GABRA5: variants seen among roughly 807,000 people sequenced by gnomAD.
GABRA5 encodes gamma-aminobutyric acid type A receptor subunit alpha5, also known as gamma-aminobutyric acid receptor subunit alpha-5.
A neutral mutation model predicts 47.3 loss-of-function variants in GABRA5; 18 were observed. The ratio of observed to expected loss-of-function variants is 0.38; its 90% confidence interval spans 0.26 to 0.56. GABRA5 has a LOEUF of 0.56. Ranked by LOEUF, GABRA5 falls within the 20% of genes least tolerant of loss-of-function variation. GABRA5 has a pLI of 0.71. For missense variants in GABRA5, 365 were observed against 599.3 expected (o/e 0.61, Z 4.08); for synonymous variants, 237 against 229.3 (o/e 1.03, Z -0.30).
At chr15:26,907,675 G>A (rs916479602) in intron 6 of GABRA5, among the ~76,000 whole-genome samples, 2 of 152,196 alleles carry the variant, frequency 1.3e-5, no homozygotes, top group Admixed American at 1.3e-4. Context: ...AGAAAAAAAG[G>A]CGAGGGAATT....
chr15:26,928,236 A>T (rs1236767920), intron 7 of GABRA5, among the ~76,000 whole-genome samples: 1 of 152,170 alleles, frequency 6.6e-6, no homozygotes, highest in Non-Finnish European at 1.5e-5. Flanking sequence ...CTACTATTCC[A>T]TTCAGACACA....
chr15:26,878,353 G>A (rs1013089805), intron 3 of GABRA5, among the ~76,000 whole-genome samples: 7 of 152,220 alleles, frequency 4.6e-5, no homozygotes, highest in African/African-American at 1.7e-4. Context: ...ACCAGGGGCT[G>A]AGAAAACACA....
chr15:26,879,184 A>T (rs149515550), intron 3 of GABRA5, among the ~76,000 whole-genome samples: 1 of 152,362 alleles, frequency 6.6e-6, no homozygotes, highest in African/African-American at 2.4e-5. Flanking sequence ...GACCTTCCAA[A>T]AACTGAGCAC....
At chr15:26,900,528 T>C (rs1368138170) in intron 6 of GABRA5, among the ~76,000 whole-genome samples, 3 of 152,178 alleles carry the variant, frequency 2.0e-5, no homozygotes, top group Admixed American at 6.5e-5. Flanking sequence ...TTTTAAAGAA[T>C]GTATTTTTTA....
Position 26,883,518 on chromosome 15 carries a change from T to G in GABRA5, c.458T>G (p.Leu153Arg). 6.4e-7 allele frequency: 1 copy of G among 1,565,346 alleles called. No individual in the cohort carries two copies. The highest frequency in any genetic ancestry group is 8.7e-7 in the Non-Finnish European group (1 of 1,151,264). Residue 153 changes from leucine (L) to arginine (R), a missense_variant, in exon 6 of 11, where the codon CTG (leucine) becomes CGG (arginine). Leu to Arg is a moderately radical substitution (Grantham distance 102). This residue lies in a region of GABRA5 where 216 missense variants were observed against 335.3 expected (regional missense o/e 0.64). Coordinates refer to ENST00000335625, the MANE Select transcript of GABRA5 (RefSeq NM_000810.4). This position sits in a 1 kb window ranked among gnomAD's most constrained non-coding sequence, Gnocchi z 4.8. Reference sequence around the variant, plus strand: ...AACATGACCACGCCCAACAAGCTGCTGCGGCTGGAGGACGACGGCACCCTG... The same window carrying G: ...AACATGACCACGCCCAACAAGCTGCGGCGGCTGGAGGACGACGGCACCCTG... ...AHNMTTPNKL[L>R]RLEDDGTLLY...
At position 26,867,169 on chromosome 15, in the gene GABRA5, C is replaced by G. The variant is rs1161674090; in HGVS notation, c.-140+58C>G. 2 of 148,814 alleles carry G rather than the reference C, an allele frequency of 1.3e-5. No homozygotes were observed. The highest frequency in any genetic ancestry group is 6.7e-5 in the Admixed American group (1 of 14,884). 9.2% of individuals were successfully genotyped at this position (148,814 alleles called of 1,614,324 possible). A position where few individuals can be genotyped will look rare whatever the true frequency, so the allele number is the denominator to read the frequency against. ...GGGGGGCTCTGCGGCGGGCGGCGCG[C>G]GGCCCGGGGCGCGGCGCGGAGCGGA... On this transcript the variant is annotated intron_variant, in intron 1 of 10. Coordinates refer to ENST00000335625, the MANE Select transcript of GABRA5 (RefSeq NM_000810.4). This position sits in a 1 kb window ranked among gnomAD's most constrained non-coding sequence, Gnocchi z 5.9.
intron 3 of GABRA5, among the ~76,000 whole-genome samples, chr15:26,869,729 C>T (rs1174189084): frequency 2.0e-5 from 3 of 152,344 alleles, no homozygotes; most frequent in African/African-American, 7.2e-5. Context: ...TTCCATTATG[C>T]AATCAAAGTT....
intron 3 of GABRA5, 139 bp from the exon 4 acceptor site, chr15:26,880,707 T>C: frequency 1.3e-6 from 1 of 789,562 alleles, no homozygotes. Context: ...AACAATCCCC[T>C]AGGCACTATG....
chr15:26,907,388 A>G (rs916510239), intron 6 of GABRA5, among the ~76,000 whole-genome samples: 1 of 152,162 alleles, frequency 6.6e-6, no homozygotes, highest in Non-Finnish European at 1.5e-5. Flanking sequence ...GTCAATGTAC[A>G]CTTTATTCTT....
chr15:26,877,167 C>T (rs1784464984), intron 3 of GABRA5, among the ~76,000 whole-genome samples: 1 of 152,172 alleles, frequency 6.6e-6, no homozygotes, highest in Non-Finnish European at 1.5e-5. Context: ...GACTCAGAGC[C>T]TCATAAAACA....
chr15:26,919,735 T>C (rs1893799265), intron 7 of GABRA5, among the ~76,000 whole-genome samples: 1 of 152,196 alleles, frequency 6.6e-6, no homozygotes, highest in African/African-American at 2.4e-5. Context: ...TATACTTTCT[T>C]ATGCTATTGT....
intron 10 of GABRA5, among the ~76,000 whole-genome samples, chr15:26,945,903 T>G (rs1894499269): frequency 6.8e-6 from 1 of 147,110 alleles, no homozygotes; most frequent in South Asian, 2.2e-4. Context: ...TGCCCTTCAC[T>G]TGGTTCTACC....
chr15:26,937,453 A>C (rs2140581757), intron 8 of GABRA5, 125 bp downstream of exon 8: 3 of 1,006,722 alleles, frequency 3.0e-6, no homozygotes, highest in Non-Finnish European at 4.2e-6. Context: ...CTCCCACACA[A>C]CCTGTCCTGG....
At position 26,887,403 on chromosome 15, in the gene GABRA5, C is replaced by T. The variant is rs546831159; in HGVS notation, c.497+3846C>T. 5.3e-5 allele frequency among the ~76,000 whole-genome samples: 8 copies of T among 152,264 alleles called. No individual in the cohort carries two copies. The East Asian group carries it at 1.4e-3, about 26-fold the overall frequency. On this transcript the variant is annotated intron_variant, in intron 6 of 10. Coordinates refer to ENST00000335625, the MANE Select transcript of GABRA5 (RefSeq NM_000810.4). ...GGAGGGCAGTGGCGTGATCTCGGCT[C>T]ATTGCAACCTCTGCCTCCCGGATTC... is the stretch of plus-strand genomic sequence containing the variant.
intron 6 of GABRA5, among the ~76,000 whole-genome samples, chr15:26,904,626 G>C (rs1893400547): frequency 6.6e-6 from 1 of 151,776 alleles, no homozygotes; most frequent in Non-Finnish European, 1.5e-5. Context: ...TGTTTGTATT[G>C]TCTCTGATTT....
chr15:26,922,007 A>AAT (rs1377288725), intron 7 of GABRA5, among the ~76,000 whole-genome samples: 1 of 152,140 alleles, frequency 6.6e-6, no homozygotes, highest in Non-Finnish European at 1.5e-5. Context: ...TTTTATGCAC[A>AAT]ATATGGCCTA....
intron 7 of GABRA5, among the ~76,000 whole-genome samples, chr15:26,922,587 T>C (rs781562396): frequency 3.7e-4 from 56 of 152,216 alleles, no homozygotes; most frequent in Non-Finnish European, 7.6e-4. Flanking sequence ...TGTTAAGGCT[T>C]AAGTCTGCCA....
Position 26,883,706 on chromosome 15 carries a change from C to G in GABRA5, c.497+149C>G. 1.6e-6 allele frequency: 1 copy of G among 643,730 alleles called. No homozygotes were observed. Among genetic ancestry groups the G allele is most frequent in the Non-Finnish European group, 2.5e-6 (1 of 392,356 alleles). 39.9% of individuals were successfully genotyped at this position (643,730 alleles called of 1,614,324 possible). On this transcript the variant is annotated intron_variant, in intron 6 of 10. Coordinates refer to ENST00000335625, the MANE Select transcript of GABRA5 (RefSeq NM_000810.4). The surrounding 1 kb of genome is among the most constrained non-coding windows in gnomAD (Gnocchi z 4.8). ...TGTGCTGGGGGTTCCCCGTTGCCAT[C>G]TGCCCACACCAGCGCTCTTGGACGT...
intron 7 of GABRA5, among the ~76,000 whole-genome samples, chr15:26,930,403 T>C (rs1894072164): frequency 6.6e-6 from 1 of 152,204 alleles, no homozygotes; most frequent in African/African-American, 2.4e-5. Flanking sequence ...TTCAACACTT[T>C]GTTTAGCATA....
Sources: gnomAD v4.1 joint callset for allele counts (sites outside exome capture counted in the v4.1 genomes callset) on GRCh38, gnomAD v4.1.1 for gene constraint, gnomAD v4.1.1 regional missense constraint, Gnocchi (gnomAD v3.1) non-coding constraint, MANE v1.5 for transcripts, NCBI Gene and HGNC (gene_info 2026-07-23, HGNC 2026-07-21) for gene names.